The following SLMAP variants were observed in gnomAD, a reference collection of about 807,000 sequenced individuals.
SLMAP encodes sarcolemma associated protein.
SLMAP carries 44 observed loss-of-function variants against 128.8 expected under a neutral mutation model. The observed-to-expected ratio is 0.34, with a 90% CI of 0.27 to 0.44. The LOEUF (loss-of-function observed/expected upper bound fraction) is 0.44, where lower values mean the gene tolerates loss of function less well. SLMAP is among the 20% of genes least tolerant of loss of function. SLMAP has a pLI of 1.00. For missense variants in SLMAP, 787 were observed against 985.3 expected (o/e 0.80, Z 2.69); for synonymous variants, 327 against 348.8 (o/e 0.94, Z 0.70).
chr3:57,781,729 ATTTT>A (rs748021832), intron 2 of SLMAP, among the ~76,000 whole-genome samples: 4 of 109,158 alleles, frequency 3.7e-5, no homozygotes, highest in African/African-American at 1.1e-4. Flanking sequence ...ATATTGACTG[ATTTT>A]TTTTTTTTTT....
intron 2 of SLMAP, among the ~76,000 whole-genome samples, chr3:57,777,652 A>G (rs2082201873): frequency 6.6e-6 from 1 of 152,218 alleles, no homozygotes; most frequent in Non-Finnish European, 1.5e-5. Context: ...TATCACTTGC[A>G]AAAGGTTAGT....
intron 2 of SLMAP, among the ~76,000 whole-genome samples, chr3:57,772,593 G>A (rs2081098216): frequency 6.6e-6 from 1 of 152,192 alleles, no homozygotes; most frequent in South Asian, 2.1e-4. Context: ...AGTGGGTGAT[G>A]ATGCTTCTGC....
At chr3:57,789,277 G>C (rs759615055) in intron 2 of SLMAP, among the ~76,000 whole-genome samples, 1 of 152,126 alleles carries the variant, frequency 6.6e-6, no homozygotes, top group Non-Finnish European at 1.5e-5. Context: ...TGGGGATTGC[G>C]GGGCGAGGGT....
intron 2 of SLMAP, among the ~76,000 whole-genome samples, chr3:57,770,647 G>C (rs536571632): frequency 8.5e-5 from 13 of 152,122 alleles, no homozygotes; most frequent in Non-Finnish European, 1.8e-4. Flanking sequence ...TGTGACCTTG[G>C]GGAGTCTCTG....
intron 24 of SLMAP, among the ~76,000 whole-genome samples, chr3:57,926,974 A>G (rs1023896189): frequency 6.6e-6 from 1 of 152,234 alleles, no homozygotes; most frequent in African/African-American, 2.4e-5. Flanking sequence ...GAATATATGG[A>G]TACCAGAGTA....
At chr3:57,820,720 G>A (rs2092426873) in intron 2 of SLMAP, among the ~76,000 whole-genome samples, 2 of 152,184 alleles carry the variant, frequency 1.3e-5, no homozygotes, top group African/African-American at 2.4e-5. Context: ...GCAAACCTTA[G>A]AGATACCTCC....
intron 2 of SLMAP, among the ~76,000 whole-genome samples, chr3:57,768,354 G>C (rs544949270): frequency 1.3e-5 from 2 of 152,204 alleles, no homozygotes; most frequent in African/African-American, 4.8e-5. Flanking sequence ...AAGCAGAAAG[G>C]ATTTTCCAAT....
Position 57,909,060 on chromosome 3 carries a change from G to A in SLMAP, c.1625-16G>A. 1 of 1,566,818 alleles carries A rather than the reference G, an allele frequency of 6.4e-7. No homozygotes were observed. Among genetic ancestry groups the A allele is most frequent in the Non-Finnish European group, 8.8e-7 (1 of 1,141,666 alleles). Reference sequence around the variant, plus strand: ...ATTCACAAAACTATTAATAGATACTGTGTTTTTACTTTTAGCTCTTTTGGA... The same window carrying A: ...ATTCACAAAACTATTAATAGATACTATGTTTTTACTTTTAGCTCTTTTGGA... On this transcript the variant is annotated splice_polypyrimidine_tract_variant and intron_variant, in intron 18 of 24. Coordinates refer to ENST00000671191, the MANE Select transcript of SLMAP (RefSeq NM_001377540.1).
At chr3:57,768,342 C>T (rs2080139540) in intron 2 of SLMAP, among the ~76,000 whole-genome samples, 1 of 152,080 alleles carries the variant, frequency 6.6e-6, no homozygotes, top group Non-Finnish European at 1.5e-5. Flanking sequence ...TCTAGCTGAG[C>T]CAAGCAGAAA....
At chr3:57,779,463 C>T (rs2082561211) in intron 2 of SLMAP, among the ~76,000 whole-genome samples, 1 of 148,182 alleles carries the variant, frequency 6.7e-6, no homozygotes, top group South Asian at 2.1e-4. Context: ...GAATTGAGAT[C>T]GCTGCACTAC....
At chr3:57,811,536 G>A (rs907109151) in intron 2 of SLMAP, among the ~76,000 whole-genome samples, 1 of 152,140 alleles carries the variant, frequency 6.6e-6, no homozygotes, top group African/African-American at 2.4e-5. Context: ...TAGCTATTGT[G>A]AATAATGCTG....
intron 2 of SLMAP, among the ~76,000 whole-genome samples, chr3:57,760,274 A>G (rs2078356695): frequency 6.6e-6 from 1 of 152,178 alleles, no homozygotes; most frequent in Non-Finnish European, 1.5e-5. Flanking sequence ...TTATCTTTGA[A>G]TGGTAGATAT....
intron 24 of SLMAP, 31 bp from the exon 25 acceptor site, chr3:57,927,265 T>G (rs780543578): frequency 2.1e-5 from 31 of 1,463,024 alleles, no homozygotes; most frequent in Non-Finnish European, 9.5e-7. Context: ...GGGGAGAATG[T>G]GATATTGACT....
chr3:57,910,267 A>G (rs1014165586), intron 19 of SLMAP, among the ~76,000 whole-genome samples: 1 of 152,064 alleles, frequency 6.6e-6, no homozygotes, highest in Non-Finnish European at 1.5e-5. Flanking sequence ...TTGGCTCACT[A>G]CAACCTCCGT....
intron 13 of SLMAP, among the ~76,000 whole-genome samples, chr3:57,869,480 A>C (rs919955113): frequency 6.6e-6 from 1 of 150,908 alleles, no homozygotes; most frequent in African/African-American, 2.4e-5. Context: ...AGCTGGGTGC[A>C]GTGGTACATG....
At chr3:57,865,148 A>T in intron 12 of SLMAP, 94 bp from the exon 13 acceptor site, 1 of 680,650 alleles carries the variant, frequency 1.5e-6, no homozygotes, top group South Asian at 2.2e-5. Context: ...ATACAATCTT[A>T]ATCTTAGGAA....
chr3:57,820,245 G>A (rs2092375764), intron 2 of SLMAP, among the ~76,000 whole-genome samples: 2 of 152,064 alleles, frequency 1.3e-5, no homozygotes, highest in Non-Finnish European at 2.9e-5. Flanking sequence ...GGTAAAATAT[G>A]TAATATTTAA....
intron 2 of SLMAP, among the ~76,000 whole-genome samples, chr3:57,776,138 C>G (rs975753719): frequency 6.6e-6 from 1 of 152,194 alleles, no homozygotes; most frequent in Non-Finnish European, 1.5e-5. Context: ...TTATTCCACT[C>G]ACTTAAGCTT....
intron 2 of SLMAP, among the ~76,000 whole-genome samples, chr3:57,781,945 G>C (rs781388306): frequency 6.6e-6 from 1 of 152,000 alleles, no homozygotes; most frequent in East Asian, 1.9e-4. Context: ...TGTTGGCCAG[G>C]CTGGTCTCGA....
Sources: allele counts gnomAD v4.1 joint callset (sites outside exome capture counted in the v4.1 genomes callset), GRCh38; gene constraint gnomAD v4.1.1; transcripts MANE v1.5; gene names NCBI Gene and HGNC (gene_info 2026-07-23, HGNC 2026-07-21).